MFSD1: variants seen among roughly 807,000 people sequenced by gnomAD.
MFSD1 encodes lysosomal dipeptide transporter MFSD1.
Under a neutral mutation model 67.1 loss-of-function variants are expected in MFSD1, and 59 were observed. The observed-to-expected ratio is 0.88, with a 90% CI of 0.71 to 1.09. MFSD1 has a LOEUF of 1.09. Among genes scored for constraint, MFSD1 ranks in the 50% least tolerant of loss-of-function variants. The probability of loss-of-function intolerance (pLI) is 0.00; values close to 1 mark genes in which losing one functional copy is unlikely to be tolerated. For synonymous variants in MFSD1, 213 were observed against 200.3 expected, an observed-to-expected ratio of 1.06 and a Z score of -0.54; for missense variants, 552 against 566.1, an observed-to-expected ratio of 0.97 and a Z score of 0.25.
At chr3:158,809,572 T>G (rs933408370) in intron 6 of MFSD1, among the ~76,000 whole-genome samples, 1 of 152,160 alleles carries the variant, frequency 6.6e-6, no homozygotes, top group African/African-American at 2.4e-5. Flanking sequence ...TACCCATTTT[T>G]GGCATCCCTG....
Position 158,829,111 on chromosome 3 carries a change from T to G in MFSD1, c.*129T>G, listed in dbSNP as rs997913604. 5.1e-6 allele frequency: 4 copies of G among 780,928 alleles called. No individual in the cohort carries two copies. The highest frequency in any genetic ancestry group is 2.3e-5 in the South Asian group (1 of 42,658). 48.4% of individuals were successfully genotyped at this position (780,928 alleles called of 1,614,324 possible). A position where few individuals can be genotyped will look rare whatever the true frequency, so the allele number is the denominator to read the frequency against. ...CTGGAAAGTTATATTTATATCCAAA[T>G]ATACCTATTTCAAAGTGTATTTGTG... On this transcript the variant is annotated 3_prime_UTR_variant, in exon 16 of 16. Coordinates refer to ENST00000415822, the MANE Select transcript of MFSD1 (RefSeq NM_022736.4).
chr3:158,820,899 C>T (rs922912544), intron 9 of MFSD1, among the ~76,000 whole-genome samples: 5 of 152,144 alleles, frequency 3.3e-5, no homozygotes, highest in Admixed American at 2.0e-4. Context: ...GATGGGGACA[C>T]AGCCAAACCA....
chr3:158,819,234 A>G (rs1730540407), intron 7 of MFSD1, among the ~76,000 whole-genome samples: 1 of 152,196 alleles, frequency 6.6e-6, no homozygotes, highest in Admixed American at 6.5e-5. Context: ...AAAACATCGG[A>G]AGGAAGAGAG....
At position 158,806,656 on chromosome 3, in the gene MFSD1, C is replaced by G. The variant is rs1729741536; in HGVS notation, c.330-384C>G. Among the ~76,000 whole-genome samples, 4 of 152,278 alleles carry G rather than the reference C, an allele frequency of 2.6e-5. No homozygotes were observed. In the South Asian group the frequency reaches 8.3e-4, roughly 32 times the overall value. ...TACTTACTGTAAAATTCCTTGGAAT[C>G]AATCCTAAACTCTTAATAGAAATTT... On this transcript the variant is annotated intron_variant, in intron 3 of 15. Coordinates refer to ENST00000415822, the MANE Select transcript of MFSD1 (RefSeq NM_022736.4).
rs972052434 is a variant in MFSD1 at position 158,829,207 on chromosome 3, C to A, written c.*225C>A. 3.3e-5 allele frequency: 12 copies of A among 362,434 alleles called. No individual in the cohort carries two copies. Among genetic ancestry groups the A allele is most frequent in the Non-Finnish European group, 4.9e-5 (10 of 203,948 alleles). The allele number at this position is 362,434 out of a possible 1,614,324, so 22.5% of individuals were successfully genotyped here. A position where few individuals can be genotyped will look rare whatever the true frequency, so the allele number is the denominator to read the frequency against. On this transcript the variant is annotated 3_prime_UTR_variant, in exon 16 of 16. Coordinates refer to ENST00000415822, the MANE Select transcript of MFSD1 (RefSeq NM_022736.4). ...ATTCTACTTTTAGTAGGCTAATCAACAATGAAAGGGTTAGAAAATTGCTGT... is the reference window on the plus strand; with the variant it reads ...ATTCTACTTTTAGTAGGCTAATCAAAAATGAAAGGGTTAGAAAATTGCTGT...
At chr3:158,828,555 T>A (rs1254500600) in intron 15 of MFSD1, among the ~76,000 whole-genome samples, 1 of 152,140 alleles carries the variant, frequency 6.6e-6, no homozygotes, top group Non-Finnish European at 1.5e-5. Context: ...TGTGATATGT[T>A]GTTAAAACCA....
At chr3:158,813,682 A>T (rs530756885) in intron 6 of MFSD1, among the ~76,000 whole-genome samples, 1 of 150,270 alleles carries the variant, frequency 6.7e-6, no homozygotes, top group South Asian at 2.1e-4. Context: ...TTTATAACTC[A>T]TGTTTCACTT....
chr3:158,805,259 A>G, intron 2 of MFSD1, 103 bp from the exon 3 acceptor site: 1 of 939,192 alleles, frequency 1.1e-6, no homozygotes, highest in South Asian at 1.3e-5. Flanking sequence ...CTTTACAGAA[A>G]GAAGAATGTA....
chr3:158,804,420 G>A, intron 2 of MFSD1, 49 bp downstream of exon 2: 1 of 1,503,820 alleles, frequency 6.6e-7, no homozygotes, highest in Non-Finnish European at 9.2e-7. Context: ...TAGAGCAAGT[G>A]TAGCGGTGGA....
chr3:158,815,498 G>A (rs571095952), intron 7 of MFSD1, among the ~76,000 whole-genome samples: 71 of 151,124 alleles, frequency 4.7e-4, no homozygotes, highest in Non-Finnish European at 8.4e-4. Context: ...TCAGAAAATA[G>A]CAATAACATA....
chr3:158,804,709 A>G (rs73158367), intron 2 of MFSD1, among the ~76,000 whole-genome samples: 1,824 of 152,278 alleles, frequency 0.012, 22 homozygotes, highest in Non-Finnish European at 0.02. Flanking sequence ...ATTTGTTAAG[A>G]TAGCTTTTTG....
intron 1 of MFSD1, 115 bp downstream of exon 1, chr3:158,802,430 A>AAGCGC (rs1285752091): frequency 1.1e-4 from 127 of 1,200,260 alleles, no homozygotes; most frequent in Non-Finnish European, 1.4e-4. Context: ...CTTCTGTCTT[A>AAGCGC]AGCTCCTGGG....
rs759658683 is a variant in MFSD1, at chr3:158,813,997, G to T, written c.582G>T (p.Trp194Cys). 6.2e-7 allele frequency: 1 copy of T among 1,613,560 alleles called. No individual in the cohort carries two copies. Among genetic ancestry groups the T allele is most frequent in the Non-Finnish European group, 8.5e-7 (1 of 1,179,736 alleles). ...GSTVNMNLMG[W>C]LYSKIEALLG... ...CAGTAAACATGAACCTCATGGGATG[G>T]CTGTATTCTAAGATTGAAGCTTTGT... is the stretch of plus-strand genomic sequence containing the variant. Residue 194 changes from tryptophan to cysteine, a missense_variant, in exon 7 of 16, where the codon TGG (tryptophan) becomes TGT (cysteine). Transcript: ENST00000415822.
At chr3:158,807,108 A>T in intron 4 of MFSD1, 26 bp downstream of exon 4, 2 of 1,592,550 alleles carry the variant, frequency 1.3e-6, no homozygotes, top group East Asian at 2.2e-5. Flanking sequence ...ACATTCATTG[A>T]TTATTGACAG....
chr3:158,822,097 A>T lies in MFSD1; in HGVS notation c.1034A>T (p.His345Leu). The change falls in exon 11 of 16, where the codon CAC becomes CTC. Residue 345 changes from histidine to leucine, a missense_variant. Physicochemically the swap from His to Leu is moderately conservative, Grantham distance 99. Coordinates refer to ENST00000415822, the MANE Select transcript of MFSD1 (RefSeq NM_022736.4). Reference protein sequence around the residue: ...LCAVAATLVSHMMLAFTMWNP... With the variant: ...LCAVAATLVSLMMLAFTMWNP... Reference sequence around the variant, plus strand: ...GCAGTAGCAGCCACTCTTGTGTCCCACATGATGCTGGCCTTTACGATGTGG... The same window carrying T: ...GCAGTAGCAGCCACTCTTGTGTCCCTCATGATGCTGGCCTTTACGATGTGG... 5 of 1,613,962 alleles carry T rather than the reference A, an allele frequency of 3.1e-6. No homozygotes were observed. The highest frequency in any genetic ancestry group is 4.2e-6 in the Non-Finnish European group (5 of 1,179,870).
chr3:158,822,140 G>A lies in MFSD1; in HGVS notation c.1077G>A (p.Met359Ile), dbSNP rs768293331. ...CGATGTGGAACCCTTGGATTGCTAT[G>A]GTAACGTCTGTGTTAGCCCATGGTG... ...AFTMWNPWIAMCLLGLSYSLL... is the reference protein window; with the variant it reads ...AFTMWNPWIAICLLGLSYSLL... Residue 359 changes from methionine to isoleucine, a missense_variant and splice_region_variant, in exon 11 of 16, where the codon ATG becomes ATA. Met to Ile is a conservative substitution (Grantham distance 10). Transcript: ENST00000415822. 1.7e-5 allele frequency: 27 copies of A among 1,609,678 alleles called. No individual in the cohort carries two copies. The highest frequency in any genetic ancestry group is 2.3e-5 in the Non-Finnish European group (27 of 1,176,696).
chr3:158,816,436 G>A (rs1380320587), intron 7 of MFSD1, among the ~76,000 whole-genome samples: 1 of 152,116 alleles, frequency 6.6e-6, no homozygotes, highest in Non-Finnish European at 1.5e-5. Flanking sequence ...GTGTCTTTTG[G>A]CTGCATAAAT....
intron 7 of MFSD1, among the ~76,000 whole-genome samples, chr3:158,817,407 G>C (rs566393327): frequency 6.6e-6 from 1 of 152,076 alleles, no homozygotes; most frequent in South Asian, 2.1e-4. Context: ...AAAGTCTCAG[G>C]ATACAAAATC....
chr3:158,811,160 T>G (rs1419681905), intron 6 of MFSD1, among the ~76,000 whole-genome samples: 1 of 152,322 alleles, frequency 6.6e-6, no homozygotes, highest in South Asian at 2.1e-4. Flanking sequence ...ACGGAAAATA[T>G]GTAGAGTGTG....
Sources: allele counts gnomAD v4.1 joint callset (sites outside exome capture counted in the v4.1 genomes callset), GRCh38; gene constraint gnomAD v4.1.1; transcripts MANE v1.5; gene names NCBI Gene and HGNC (gene_info 2026-07-23, HGNC 2026-07-21).